Variants in INPP4B observed in about 807,000 individuals in gnomAD.
The protein encoded by INPP4B is inositol polyphosphate-4-phosphatase type II B.
INPP4B carries 55 observed loss-of-function variants against 122.5 expected under a neutral mutation model. The observed-to-expected ratio is 0.45, with a 90% CI of 0.36 to 0.56. The LOEUF (loss-of-function observed/expected upper bound fraction) is 0.56, where lower values mean the gene tolerates loss of function less well. Among genes scored for constraint, INPP4B ranks in the 20% least tolerant of loss-of-function variants. The pLI, the probability that INPP4B is intolerant of heterozygous loss-of-function variation, is 0.00. For synonymous variants in INPP4B, 403 were observed against 388.7 expected (o/e 1.04, Z -0.43); for missense variants, 1,000 against 1,097.7 (o/e 0.91, Z 1.26).
At chr4:142,700,672 A>T (rs185672347) in intron 2 of INPP4B, among the ~76,000 whole-genome samples, 236 of 68,142 alleles carry the variant, frequency 3.5e-3, no homozygotes, top group African/African-American at 8.8e-3. Context: ...TTTGCATGAA[A>T]TTTTTTTTTT....
At position 142,631,116 on chromosome 4, in the gene INPP4B, G is replaced by A. The variant is rs1747852189; in HGVS notation, c.-191+94723C>T. Among the ~76,000 whole-genome samples, 2 of 151,960 alleles carry A rather than the reference G, an allele frequency of 1.3e-5. 1 individual carries two copies. The highest frequency in any genetic ancestry group is 4.1e-4 in the South Asian group (2 of 4,826). ...AAATCAACAGGGATGAAACCCTCCA[G>A]GTACAACATACAAGAGAAACAGAGT... On this transcript the variant is annotated intron_variant, in intron 2 of 25. Coordinates refer to ENST00000262992, the MANE Select transcript of INPP4B (RefSeq NM_001101669.3).
chr4:142,090,230 G>T (rs996070340), intron 23 of INPP4B, among the ~76,000 whole-genome samples: 4 of 151,992 alleles, frequency 2.6e-5, no homozygotes, highest in South Asian at 2.1e-4. Context: ...ACACAGGCAT[G>T]ATGTCTCATG....
intron 2 of INPP4B, among the ~76,000 whole-genome samples, chr4:142,479,856 A>T (rs893635243): frequency 6.6e-6 from 1 of 152,142 alleles, no homozygotes; most frequent in African/African-American, 2.4e-5. Flanking sequence ...CCTATCAGGT[A>T]CTATGCTTAT....
At position 142,623,884 on chromosome 4, in the gene INPP4B, C is replaced by A. The variant is rs536004515; in HGVS notation, c.-191+101955G>T. ...ATTTCCAGTTTCATCCATGTCCCTA[C>A]AAAGGACATGAACTCATCATTTTTT... On this transcript the variant is annotated intron_variant, in intron 2 of 25. Coordinates refer to ENST00000262992, the MANE Select transcript of INPP4B (RefSeq NM_001101669.3). Among the ~76,000 whole-genome samples the A allele has an allele frequency of 2.6e-4, 39 of 152,138 alleles. No homozygotes were observed. The South Asian group carries it at 7.5e-3, about 29-fold the overall frequency.
At position 142,520,627 on chromosome 4, in the gene INPP4B, A is replaced by G. The variant is rs554982877; in HGVS notation, c.-190-57901T>C. Among the ~76,000 whole-genome samples, 9 of 152,100 alleles carry G rather than the reference A, an allele frequency of 5.9e-5. No individual in the cohort carries two copies. In the South Asian group the frequency reaches 1.4e-3, roughly 24 times the overall value. On this transcript the variant is annotated intron_variant, in intron 2 of 25. Transcript: ENST00000262992. ...CATTCAAAAATATTTAAATGAATCA[A>G]TTATTTAAATACAATGGTAAATTGG... is the stretch of plus-strand genomic sequence containing the variant.
intron 14 of INPP4B, among the ~76,000 whole-genome samples, chr4:142,201,085 T>C (rs1579268241): frequency 6.6e-6 from 1 of 152,182 alleles, no homozygotes; most frequent in South Asian, 2.1e-4. Context: ...TTAAATAGCA[T>C]TTTTACACTT....
At chr4:142,052,027 C>T (rs1194941663) in intron 25 of INPP4B, among the ~76,000 whole-genome samples, 1 of 151,922 alleles carries the variant, frequency 6.6e-6, no homozygotes, top group Non-Finnish European at 1.5e-5. Context: ...GATGGTTTTA[C>T]TTTGCAAAAA....
At chr4:142,108,308 C>T (rs779710851) in intron 22 of INPP4B, 118 bp from the exon 23 acceptor site, 54 of 662,864 alleles carry the variant, frequency 8.1e-5, no homozygotes, top group Non-Finnish European at 1.3e-4. Context: ...GAGTCTGTCT[C>T]ATTTTTCAAG....
intron 2 of INPP4B, among the ~76,000 whole-genome samples, chr4:142,663,683 A>G (rs376927579): frequency 8.5e-6 from 1 of 118,174 alleles, no homozygotes; most frequent in Non-Finnish European, 2.0e-5. Flanking sequence ...TAGACCATTT[A>G]TTTTTCATAA....
chr4:142,175,579 CT>C (rs1827765381), intron 15 of INPP4B, among the ~76,000 whole-genome samples: 1 of 151,458 alleles, frequency 6.6e-6, no homozygotes, highest in Admixed American at 6.6e-5. Flanking sequence ...TAAAACATAC[CT>C]TAATTTGCTA....
chr4:142,342,694 T>C (rs1313340310), intron 7 of INPP4B, among the ~76,000 whole-genome samples: 1 of 152,158 alleles, frequency 6.6e-6, no homozygotes, highest in Non-Finnish European at 1.5e-5. Context: ...TCATAATATG[T>C]AACAATTTCA....
chr4:142,486,829 A>C (rs1821259517), intron 2 of INPP4B, among the ~76,000 whole-genome samples: 1 of 152,200 alleles, frequency 6.6e-6, no homozygotes, highest in Non-Finnish European at 1.5e-5. Flanking sequence ...TGTTCTAAAA[A>C]TATTTATTGC....
chr4:142,047,070 G>C (rs991967095), intron 25 of INPP4B, among the ~76,000 whole-genome samples: 5 of 151,740 alleles, frequency 3.3e-5, no homozygotes, highest in African/African-American at 1.2e-4. Context: ...GGGTCTAACA[G>C]AGCCATCATT....
At chr4:142,517,019 A>G (rs1825496944) in intron 2 of INPP4B, among the ~76,000 whole-genome samples, 1 of 151,590 alleles carries the variant, frequency 6.6e-6, no homozygotes, top group Non-Finnish European at 1.5e-5. Context: ...CCTACTCACC[A>G]TTCCAAGAAT....
intron 15 of INPP4B, among the ~76,000 whole-genome samples, chr4:142,186,975 C>T (rs1307569272): frequency 6.6e-6 from 1 of 152,066 alleles, no homozygotes; most frequent in African/African-American, 2.4e-5. Flanking sequence ...ATAGGAAAGT[C>T]CACATGGAGA....
chr4:142,617,762 A>G (rs758185008), intron 2 of INPP4B, among the ~76,000 whole-genome samples: 3 of 152,124 alleles, frequency 2.0e-5, no homozygotes, highest in Non-Finnish European at 4.4e-5. Flanking sequence ...TAGTTACAAT[A>G]TAAATCCTAT....
chr4:142,357,041 G>A (rs963640717), intron 7 of INPP4B, among the ~76,000 whole-genome samples: 4 of 152,020 alleles, frequency 2.6e-5, no homozygotes, highest in Non-Finnish European at 5.9e-5. Context: ...CTTGCACACA[G>A]GATCTTGCCA....
At chr4:142,240,273 C>A (rs1239060548) in intron 11 of INPP4B, among the ~76,000 whole-genome samples, 1 of 151,820 alleles carries the variant, frequency 6.6e-6, no homozygotes, top group Non-Finnish European at 1.5e-5. Context: ...AACTCCTGGG[C>A]TCAAGCTATC....
chr4:142,539,702 T>C (rs1294858434), intron 2 of INPP4B, among the ~76,000 whole-genome samples: 2 of 152,072 alleles, frequency 1.3e-5, no homozygotes, highest in East Asian at 1.9e-4. Context: ...GCTCTGATGT[T>C]ACATATTTTG....
Sources: gnomAD v4.1 joint callset for allele counts (sites outside exome capture counted in the v4.1 genomes callset) on GRCh38, gnomAD v4.1.1 for gene constraint, MANE v1.5 for transcripts, NCBI Gene and HGNC (gene_info 2026-07-23, HGNC 2026-07-21) for gene names.